OGDH: variants seen among roughly 807,000 people sequenced by gnomAD.
OGDH encodes 2-oxoglutarate dehydrogenase complex component E1.
OGDH carries 38 observed loss-of-function variants against 116.6 expected under a neutral mutation model. The observed-to-expected ratio is 0.33, with a 90% CI of 0.25 to 0.43. The LOEUF is 0.43. Among genes scored for constraint, OGDH ranks in the 20% least tolerant of loss-of-function variants. The probability of loss-of-function intolerance (pLI) is 1.00; values close to 1 mark genes in which losing one functional copy is unlikely to be tolerated. For missense variants in OGDH, 825 were observed against 1,357.2 expected, an observed-to-expected ratio of 0.61 and a Z score of 6.16; for synonymous variants, 488 against 533.3, an observed-to-expected ratio of 0.92 and a Z score of 1.17.
At chr7:44,644,816 T>C (rs1786096879) in intron 2 of OGDH, among the ~76,000 whole-genome samples, 1 of 152,188 alleles carries the variant, frequency 6.6e-6, no homozygotes, top group Non-Finnish European at 1.5e-5. Flanking sequence ...CTTCACAGGT[T>C]GTGCTGAGCC....
intron 10 of OGDH, among the ~76,000 whole-genome samples, chr7:44,689,205 T>A (rs12668013): frequency 0.065 from 9,674 of 148,260 alleles, 398 homozygotes; most frequent in Middle Eastern, 0.095. Flanking sequence ...TATATCAGGG[T>A]TCCTTTTTTT....
rs2115569228 is a variant in OGDH, at chr7:44,631,452, C to T, written c.222+6887C>T. Among the ~76,000 whole-genome samples, 3 of 152,332 alleles carry T rather than the reference C, an allele frequency of 2.0e-5. No homozygotes were observed. In the South Asian group the frequency reaches 6.2e-4, roughly 32 times the overall value. ...ACCCTCACTCTCCTACCACCCTCCC[C>T]CACCGCCACTTGATAATCTTTAACT... On this transcript the variant is annotated intron_variant, in intron 2 of 22. Coordinates refer to ENST00000222673, the MANE Select transcript of OGDH (RefSeq NM_002541.4).
intron 1 of OGDH, among the ~76,000 whole-genome samples, chr7:44,624,073 G>A (rs528263860): frequency 6.6e-6 from 1 of 151,996 alleles, no homozygotes; most frequent in Non-Finnish European, 1.5e-5. Context: ...CAGCTCTGTT[G>A]TGCTCTCAGG....
chr7:44,618,551 G>A (rs1384587017), intron 1 of OGDH, among the ~76,000 whole-genome samples: 2 of 152,160 alleles, frequency 1.3e-5, no homozygotes, highest in Admixed American at 1.3e-4. Flanking sequence ...TATTTCCTAA[G>A]TAACTAAAAT....
At chr7:44,616,747 GTA>G (rs1056049286) in intron 1 of OGDH, among the ~76,000 whole-genome samples, 3 of 139,864 alleles carry the variant, frequency 2.1e-5, no homozygotes, top group African/African-American at 8.3e-5. Flanking sequence ...GTATATAAGT[GTA>G]TATGTGTATA....
At chr7:44,675,377 T>C in intron 8 of OGDH, 109 bp downstream of exon 8, 1 of 888,616 alleles carries the variant, frequency 1.1e-6, no homozygotes, top group Non-Finnish European at 1.8e-6. Context: ...TTCTGTACCA[T>C]TTGTGATTTG....
intron 4 of OGDH, among the ~76,000 whole-genome samples, chr7:44,664,921 T>G (rs1396412559): frequency 6.6e-6 from 1 of 152,204 alleles, no homozygotes; most frequent in Non-Finnish European, 1.5e-5. Context: ...TGTAGGCACC[T>G]ACTTCACAGG....
intron 4 of OGDH, among the ~76,000 whole-genome samples, chr7:44,654,148 C>G (rs1027812141): frequency 6.6e-6 from 1 of 152,184 alleles, no homozygotes; most frequent in Non-Finnish European, 1.5e-5. Context: ...AGCCACCACG[C>G]TCCGTGAGAT....
chr7:44,627,802 G>A (rs969483592), intron 2 of OGDH, among the ~76,000 whole-genome samples: 1 of 151,930 alleles, frequency 6.6e-6, no homozygotes, highest in Non-Finnish European at 1.5e-5. Context: ...TCAGCCTCCC[G>A]AGTAGCCAGG....
intron 5 of OGDH, among the ~76,000 whole-genome samples, chr7:44,670,178 G>A (rs1787370726): frequency 6.6e-6 from 1 of 152,020 alleles, no homozygotes; most frequent in South Asian, 2.1e-4. Context: ...GAGAGATACT[G>A]ATTTCTAGAG....
At chr7:44,679,537 A>C (rs1225526879) in intron 9 of OGDH, among the ~76,000 whole-genome samples, 1 of 152,168 alleles carries the variant, frequency 6.6e-6, no homozygotes, top group African/African-American at 2.4e-5. Context: ...GACCAGGGTA[A>C]TCACAAGAAC....
intron 2 of OGDH, among the ~76,000 whole-genome samples, chr7:44,628,497 A>G (rs1043540188): frequency 2.0e-5 from 3 of 151,430 alleles, no homozygotes; most frequent in African/African-American, 7.3e-5. Context: ...CCATGCCTGT[A>G]ATCCTGATAC....
At chr7:44,639,614 A>G (rs1785837785) in intron 2 of OGDH, among the ~76,000 whole-genome samples, 1 of 152,246 alleles carries the variant, frequency 6.6e-6, no homozygotes. Flanking sequence ...TACACTCGAT[A>G]CAAAACATTC....
At chr7:44,673,723 G>A (rs1031047884) in intron 5 of OGDH, 64 bp from the exon 6 acceptor site, 22 of 1,526,748 alleles carry the variant, frequency 1.4e-5, no homozygotes, top group Middle Eastern at 3.4e-4. Flanking sequence ...TGGGCAGTCG[G>A]CAGTCTTCAT....
At chr7:44,653,806 G>A (rs550707446) in intron 4 of OGDH, among the ~76,000 whole-genome samples, 209 of 151,424 alleles carry the variant, frequency 1.4e-3, no homozygotes, top group African/African-American at 4.2e-3. Flanking sequence ...GATTACAGGC[G>A]TGAGCCACTG....
At position 44,666,756 on chromosome 7, in the gene OGDH, T is replaced by G. The variant is rs1453754856; in HGVS notation, c.538T>G (p.Ser180Ala). The G allele has an allele frequency of 1.2e-6, 2 of 1,612,224 alleles. No individual in the cohort carries two copies. The highest frequency in any genetic ancestry group is 1.7e-6 in the Non-Finnish European group (2 of 1,179,204). ...TGCAGGGTTCTATGGCCTGGATGAG[T>G]CTGACCTCGACAAGGTCTTCCACTT... Reference protein sequence around the residue: ...DKLGFYGLDESDLDKVFHLPT... With the variant: ...DKLGFYGLDEADLDKVFHLPT... The change falls in exon 5 of 23, where the codon TCT becomes GCT. Residue 180 changes from serine to alanine, a missense_variant. By Grantham distance (99) the Ser-to-Ala change is moderately conservative. Transcript: ENST00000222673.
intron 19 of OGDH, among the ~76,000 whole-genome samples, chr7:44,700,639 C>T (rs1001057156): frequency 3.3e-5 from 5 of 152,098 alleles, no homozygotes; most frequent in Non-Finnish European, 7.4e-5. Context: ...AGTGCAGGGT[C>T]CCCAGGGAGC....
intron 4 of OGDH, among the ~76,000 whole-genome samples, chr7:44,650,940 G>A (rs1192399925): frequency 6.6e-6 from 1 of 152,224 alleles, no homozygotes; most frequent in Admixed American, 6.5e-5. Flanking sequence ...CCTCCCTGTG[G>A]ATGCAGGCAC....
At chr7:44,665,699 C>G (rs891038927) in intron 4 of OGDH, among the ~76,000 whole-genome samples, 4 of 152,126 alleles carry the variant, frequency 2.6e-5, no homozygotes, top group Non-Finnish European at 5.9e-5. Flanking sequence ...TCGCAAAATA[C>G]CAGTTCACTG....
Sources: allele counts gnomAD v4.1 joint callset (sites outside exome capture counted in the v4.1 genomes callset), GRCh38; gene constraint gnomAD v4.1.1; transcripts MANE v1.5; gene names NCBI Gene and HGNC (gene_info 2026-07-23, HGNC 2026-07-21).